ARB2A: variants seen among roughly 807,000 people sequenced by gnomAD.
ARB2A encodes ARB2 cotranscriptional regulator A, also known as cotranscriptional regulator ARB2A.
At chr5:93,809,610 T>TA in the ARB2A span, among the ~76,000 whole-genome samples, 5 of 151,836 alleles carry the variant, frequency 3.3e-5, no homozygotes, top group Non-Finnish European at 7.4e-5. Flanking sequence ...AGCATAGAGA[T>TA]AAAAAAAATC....
the ARB2A span, among the ~76,000 whole-genome samples, chr5:93,982,104 A>G: frequency 6.6e-6 from 1 of 152,138 alleles, no homozygotes; most frequent in Admixed American, 6.5e-5. Context: ...CAAAAACAAA[A>G]AAAAAGTAAT....
the ARB2A span, among the ~76,000 whole-genome samples, chr5:93,845,824 A>C: frequency 6.6e-6 from 1 of 152,318 alleles, no homozygotes; most frequent in East Asian, 1.9e-4. Context: ...CTATAGACAA[A>C]ATGGTATAGT....
At chr5:93,709,631 A>C in the ARB2A span, among the ~76,000 whole-genome samples, 35 of 125,072 alleles carry the variant, frequency 2.8e-4, no homozygotes, top group Non-Finnish European at 4.3e-4. Flanking sequence ...AGACTCTGTC[A>C]CAAAAAAAAA....
chr5:94,017,749 A>G, the ARB2A span, among the ~76,000 whole-genome samples: 1 of 152,212 alleles, frequency 6.6e-6, no homozygotes, highest in South Asian at 2.1e-4. Context: ...TTCTCTGTAC[A>G]GTAGTCCCAC....
the ARB2A span, among the ~76,000 whole-genome samples, chr5:93,886,976 T>A: frequency 2.0e-5 from 3 of 151,766 alleles, no homozygotes; most frequent in Admixed American, 1.3e-4. Flanking sequence ...GTTTCCAACT[T>A]CAAATAGCTC....
At chr5:93,759,775 C>A in the ARB2A span, among the ~76,000 whole-genome samples, 1 of 152,148 alleles carries the variant, frequency 6.6e-6, no homozygotes, top group African/African-American at 2.4e-5. Context: ...ATATGACACA[C>A]CCACAGCCAA....
chr5:93,802,841 T>C, the ARB2A span, among the ~76,000 whole-genome samples: 1 of 152,064 alleles, frequency 6.6e-6, no homozygotes, highest in African/African-American at 2.4e-5. Flanking sequence ...ATGCTTACTA[T>C]TGAGTTTTTA....
At chr5:93,858,573 T>C in the ARB2A span, among the ~76,000 whole-genome samples, 1 of 152,196 alleles carries the variant, frequency 6.6e-6, no homozygotes, top group African/African-American at 2.4e-5. Flanking sequence ...AATTGGCATA[T>C]CCTGCCATTC....
the ARB2A span, among the ~76,000 whole-genome samples, chr5:93,869,652 G>A: frequency 1.3e-5 from 2 of 152,292 alleles, no homozygotes; most frequent in Admixed American, 6.5e-5. Context: ...CTTAAATGAT[G>A]ACATTCCACC....
the ARB2A span, among the ~76,000 whole-genome samples, chr5:93,677,464 C>T: frequency 6.6e-6 from 1 of 152,326 alleles, no homozygotes; most frequent in Non-Finnish European, 1.5e-5. Context: ...CATAGCCGCT[C>T]AGGCAAGTGA....
At chr5:93,634,274 C>T in the ARB2A span, among the ~76,000 whole-genome samples, 1 of 151,832 alleles carries the variant, frequency 6.6e-6, no homozygotes, top group Non-Finnish European at 1.5e-5. Context: ...GTGGTGCGGG[C>T]CCGTAGTCCC....
chr5:93,942,068 C>A, the ARB2A span, among the ~76,000 whole-genome samples: 3 of 152,140 alleles, frequency 2.0e-5, no homozygotes, highest in African/African-American at 4.8e-5. Flanking sequence ...AGTTTCTCCC[C>A]GCTCTACCCC....
At chr5:93,790,972 AATGTCAGCTATTATTATTACCTTGAC>A in the ARB2A span, among the ~76,000 whole-genome samples, 1 of 152,170 alleles carries the variant, frequency 6.6e-6, no homozygotes, top group Non-Finnish European at 1.5e-5. Flanking sequence ...AGAAATCAAT[AATGTCAGCTATTATTATTACCTTGAC>A]ATTCATCTCT....
At chr5:93,847,213 T>C in the ARB2A span, among the ~76,000 whole-genome samples, 1 of 152,314 alleles carries the variant, frequency 6.6e-6, no homozygotes, top group South Asian at 2.1e-4. Flanking sequence ...CCATTTCTAA[T>C]TCTAGTTCTC....
the ARB2A span, among the ~76,000 whole-genome samples, chr5:93,722,870 T>G: frequency 1.3e-5 from 2 of 152,294 alleles, no homozygotes; most frequent in Non-Finnish European, 2.9e-5. Context: ...AACAATCAGT[T>G]ACACAACATC....
the ARB2A span, among the ~76,000 whole-genome samples, chr5:93,783,472 C>T: frequency 3.3e-5 from 5 of 151,992 alleles, no homozygotes; most frequent in Non-Finnish European, 7.4e-5. Flanking sequence ...ACTCTGTGGT[C>T]CTTACAGTGT....
At chr5:93,813,521 G>C in the ARB2A span, among the ~76,000 whole-genome samples, 4 of 152,166 alleles carry the variant, frequency 2.6e-5, no homozygotes, top group South Asian at 4.1e-4. Context: ...ATGTTCTGAA[G>C]AGAGCACTAA....
At chr5:93,769,169 G>C in the ARB2A span, among the ~76,000 whole-genome samples, 1 of 152,034 alleles carries the variant, frequency 6.6e-6, no homozygotes, top group Non-Finnish European at 1.5e-5. Flanking sequence ...TTAAATAAGC[G>C]TGTATGTTTA....
chr5:93,619,723 T>G, the ARB2A span: 1 of 152,218 alleles, frequency 6.6e-6, no homozygotes, highest in Non-Finnish European at 1.5e-5. Context: ...AGCAAAACCT[T>G]AACATCTCCT....
Sources: allele counts gnomAD v4.1 joint callset (sites outside exome capture counted in the v4.1 genomes callset), GRCh38; gene constraint gnomAD v4.1.1; transcripts MANE v1.5; gene names NCBI Gene and HGNC (gene_info 2026-07-23, HGNC 2026-07-21).